HK1: variants seen among roughly 807,000 people sequenced by gnomAD.
HK1 encodes hexokinase 1, also known as hexokinase-1.
HK1 carries 28 observed loss-of-function variants against 91.6 expected under a neutral mutation model. The observed-to-expected ratio is 0.31, with a 90% CI of 0.23 to 0.42. The LOEUF is 0.42. HK1 is among the 10% of genes least tolerant of loss of function. The probability of loss-of-function intolerance (pLI) is 1.00; values close to 1 mark genes in which losing one functional copy is unlikely to be tolerated. For missense variants in HK1, 770 were observed against 1,219.8 expected (o/e 0.63, Z 5.49); for synonymous variants, 430 against 468.1 (o/e 0.92, Z 1.05).
chr10:69,291,842 T>C (rs1336094962), intron 3 of HK1, among the ~76,000 whole-genome samples: 3 of 152,062 alleles, frequency 2.0e-5, no homozygotes, highest in African/African-American at 7.2e-5. Flanking sequence ...CCCCAGAGAG[T>C]ATTTTTCCCT....
upstream of HK1, chr10:69,318,259 G>C: frequency 3.1e-6 from 3 of 982,762 alleles, no homozygotes; most frequent in Non-Finnish European, 3.6e-6. Flanking sequence ...TTCGGCCTGG[G>C]TGAGGAAGGC....
intron 17 of HK1, 59 bp downstream of exon 17, chr10:69,398,887 G>T: frequency 1.5e-6 from 2 of 1,351,416 alleles, no homozygotes; most frequent in South Asian, 1.2e-5. Flanking sequence ...TGGGTTAGGG[G>T]GTATCAGGGT....
At chr10:69,383,871 A>G (rs1839509625) in intron 10 of HK1, among the ~76,000 whole-genome samples, 1 of 152,126 alleles carries the variant, frequency 6.6e-6, no homozygotes. Context: ...CCTCTGCCAC[A>G]CTCTGTTGGC....
At chr10:69,289,408 G>T (rs1302260425) in intron 3 of HK1, among the ~76,000 whole-genome samples, 1 of 150,864 alleles carries the variant, frequency 6.6e-6, no homozygotes, top group Non-Finnish European at 1.5e-5. Context: ...GCCCCCTCTG[G>T]CTGAATTTTA....
At chr10:69,272,680 T>G (rs1844227584) in intron 1 of HK1, among the ~76,000 whole-genome samples, 5 of 151,794 alleles carry the variant, frequency 3.3e-5, no homozygotes, top group Admixed American at 3.3e-4. Context: ...CCTTTCTAGC[T>G]GTTTGTAAGG....
intron 17 of HK1, 24 bp downstream of exon 17, chr10:69,398,852 T>C (rs1418669514): frequency 6.4e-7 from 1 of 1,558,950 alleles, no homozygotes; most frequent in African/African-American, 1.4e-5. Context: ...CCAGTTGGGA[T>C]GCGCAGAGCT....
chr10:69,288,705 A>G, exon 3 of HK1: 3 of 1,608,920 alleles, frequency 1.9e-6, no homozygotes, highest in Non-Finnish European at 2.6e-6. Flanking sequence ...GTAGAAAAGC[A>G]GAAGAAAGGA....
chr10:69,318,609 G>A (rs1219538004), upstream of HK1, among the ~76,000 whole-genome samples: 2 of 152,184 alleles, frequency 1.3e-5, no homozygotes, highest in Non-Finnish European at 2.9e-5. Context: ...GGGGTCGGGG[G>A]GGATTTCGCT....
At chr10:69,326,358 C>T (rs1266491143) in intron 1 of HK1, among the ~76,000 whole-genome samples, 2 of 152,156 alleles carry the variant, frequency 1.3e-5, no homozygotes, top group Admixed American at 6.5e-5. Context: ...GGCTTCCCAG[C>T]ACGGCTCCCT....
chr10:69,335,069 C>T (rs1847909379), intron 1 of HK1, among the ~76,000 whole-genome samples: 1 of 152,072 alleles, frequency 6.6e-6, no homozygotes, highest in Non-Finnish European at 1.5e-5. Flanking sequence ...CTTTAGGGAC[C>T]CCACTAGATC....
In HK1 at chr10:69,398,750, A is replaced by G. The variant is rs1400601087; in HGVS notation, c.2531A>G (p.Lys844Arg). 1 of 1,614,238 alleles carries G rather than the reference A, an allele frequency of 6.2e-7. No individual in the cohort carries two copies. Among genetic ancestry groups the G allele is most frequent in the African/African-American group, 1.3e-5 (1 of 75,066 alleles). Residue 844 changes from lysine to arginine, a missense_variant, in exon 17 of 18, where the codon AAG (lysine) becomes AGG (arginine). By Grantham distance (26) the Lys-to-Arg change is conservative (BLOSUM62 2). Transcript: ENST00000359426. ...CGAGMAAVVDKIRENRGLDRL... is the reference protein window; with the variant it reads ...CGAGMAAVVDRIRENRGLDRL... ...GCAGGCATGGCTGCGGTTGTGGATA[A>G]GATCCGCGAGAACAGAGGACTGGAC...
exon 3 of HK1, chr10:69,288,676 C>A: frequency 1.3e-6 from 2 of 1,515,800 alleles, no homozygotes; most frequent in Non-Finnish European, 9.2e-7. Context: ...TCTAGGCGTT[C>A]AAGACCCAGC....
At chr10:69,396,202 C>G (rs1040730762) in intron 16 of HK1, among the ~76,000 whole-genome samples, 4 of 146,212 alleles carry the variant, frequency 2.7e-5, no homozygotes. Context: ...AGCCCGGTGG[C>G]GGAGGTTGCA....
At chr10:69,362,434 GTTTTTT>G (rs34834335) in intron 3 of HK1, among the ~76,000 whole-genome samples, 1 of 135,478 alleles carries the variant, frequency 7.4e-6, no homozygotes, top group Non-Finnish European at 1.6e-5. Flanking sequence ...AGAAAATAAT[GTTTTTT>G]TTTTTTTTTT....
chr10:69,350,009 C>T (rs796933031), intron 2 of HK1, among the ~76,000 whole-genome samples: 12 of 152,300 alleles, frequency 7.9e-5, no homozygotes, highest in African/African-American at 2.9e-4. Context: ...CATTCATAGG[C>T]CATCTCTCCT....
chr10:69,288,067 G>A (rs886952079), intron 2 of HK1, among the ~76,000 whole-genome samples: 2 of 152,128 alleles, frequency 1.3e-5, no homozygotes, highest in African/African-American at 4.8e-5. Context: ...AGGATTGCTT[G>A]TGTCCAAGAG....
At chr10:69,349,334 GCTATCAT>G (rs904913057) in intron 2 of HK1, among the ~76,000 whole-genome samples, 9 of 152,250 alleles carry the variant, frequency 5.9e-5, no homozygotes, top group Middle Eastern at 3.4e-3. Flanking sequence ...GCCTCACCAG[GCTATCAT>G]CAGGATCAAA....
intron 5 of HK1, among the ~76,000 whole-genome samples, chr10:69,309,874 C>A (rs1011358862): frequency 2.0e-5 from 3 of 150,080 alleles, no homozygotes; most frequent in East Asian, 4.0e-4. Context: ...TGGTGACACC[C>A]CATCTCTACT....
intron 1 of HK1, among the ~76,000 whole-genome samples, chr10:69,280,549 T>C (rs947821888): frequency 2.6e-5 from 4 of 152,202 alleles, no homozygotes; most frequent in Admixed American, 1.3e-4. Flanking sequence ...TATTAGAAGG[T>C]GGGGTCTTTG....
Sources: gnomAD v4.1 joint callset for allele counts (sites outside exome capture counted in the v4.1 genomes callset) on GRCh38, gnomAD v4.1.1 for gene constraint, MANE v1.5 for transcripts, NCBI Gene and HGNC (gene_info 2026-07-23, HGNC 2026-07-21) for gene names.